SULT2B1: variants seen among roughly 807,000 people sequenced by gnomAD.
SULT2B1 encodes the protein sulfotransferase family 2B member 1.
A neutral mutation model predicts 33.2 loss-of-function variants in SULT2B1; 16 were observed. The ratio of observed to expected loss-of-function variants is 0.48; its 90% CI spans 0.33 to 0.73. The LOEUF is 0.73. SULT2B1 is among the 30% of genes least tolerant of loss of function. The probability of loss-of-function intolerance (pLI) is 0.02; values close to 1 mark genes in which losing one functional copy is unlikely to be tolerated. For synonymous variants in SULT2B1, 186 were observed against 200.5 expected (o/e 0.93, Z 0.61); for missense variants, 500 against 506.0 (o/e 0.99, Z 0.11).
In SULT2B1 at chr19:48,599,272, GAGCCCAGCCCTGAGCCTGAGCCCA is replaced by G. The variant is rs1320975009; in HGVS notation, c.974_997del (p.Pro325_Ser332del). 1.2e-5 allele frequency: 19 copies of G among 1,610,904 alleles called. No individual in the cohort carries two copies. Among genetic ancestry groups the G allele is most frequent in the South Asian group, 6.6e-5 (6 of 90,552 alleles). On this transcript the variant is annotated inframe_deletion, in exon 7 of 7. Transcript: ENST00000201586. This position sits in a 1 kb window ranked among gnomAD's most constrained non-coding sequence, Gnocchi z 4.1. ...GGAGGAGGACGGCAGCCCAGATCCT[GAGCCCAGCCCTGAGCCTGAGCCCA>G]AGCCCAGCCTTGAGCCCAACACCAG...
chr19:48,558,827 G>C (rs964689199), intron 1 of SULT2B1, among the ~76,000 whole-genome samples: 2 of 151,824 alleles, frequency 1.3e-5, no homozygotes, highest in Non-Finnish European at 2.9e-5. Context: ...TGGGACTACA[G>C]GCGTGCGCCA....
intron 1 of SULT2B1, among the ~76,000 whole-genome samples, chr19:48,556,935 A>G (rs7409348): frequency 0.38 from 58,051 of 150,894 alleles, 12,926 homozygotes; most frequent in African/African-American, 0.62. Context: ...GGGCAACAGA[A>G]CAAGACTCTG....
intron 3 of SULT2B1, among the ~76,000 whole-genome samples, chr19:48,588,701 G>A (rs1973601327): frequency 6.6e-6 from 1 of 152,038 alleles, no homozygotes; most frequent in East Asian, 1.9e-4. Flanking sequence ...GTTAGAGGTG[G>A]GTGTGGGGCT....
chr19:48,566,148 A>T (rs549185463), intron 1 of SULT2B1, among the ~76,000 whole-genome samples: 122 of 151,546 alleles, frequency 8.1e-4, no homozygotes, highest in Middle Eastern at 3.4e-3. Flanking sequence ...CTGGTGTCGA[A>T]CTCCTGACCT....
rs1973670859 is a variant in SULT2B1, at chr19:48,593,526, TG to T, written c.645+713del. Among the ~76,000 whole-genome samples, 3 of 152,034 alleles carry T rather than the reference TG, an allele frequency of 2.0e-5. No homozygotes were observed. In the South Asian group the frequency reaches 6.2e-4, roughly 32 times the overall value. ...GAGATCACACCACTGCACTCCAGCC[TG>T]GGCGACAGAGCAAGACCTTGTTCCA... is the stretch of plus-strand genomic sequence containing the variant. On this transcript the variant is annotated intron_variant, in intron 5 of 6. Transcript: ENST00000201586.
intron 1 of SULT2B1, 117 bp from the exon 2 acceptor site, chr19:48,575,824 G>A (rs1973397346): frequency 2.0e-6 from 3 of 1,509,118 alleles, no homozygotes; most frequent in Non-Finnish European, 1.8e-6. Context: ...CTTTACAGAA[G>A]AGGGACTGAG....
chr19:48,567,747 G>C (rs1973264570), intron 1 of SULT2B1, among the ~76,000 whole-genome samples: 1 of 151,244 alleles, frequency 6.6e-6, no homozygotes, highest in South Asian at 2.1e-4. Flanking sequence ...AAGTGGGAGG[G>C]TCGCTTGAGC....
chr19:48,568,285 CAAAA>C (rs1325928170), intron 1 of SULT2B1, among the ~76,000 whole-genome samples: 3 of 82,532 alleles, frequency 3.6e-5, no homozygotes, highest in East Asian at 4.2e-4. Flanking sequence ...GACTCCATCT[CAAAA>C]AAAAAAAAAA....
intron 1 of SULT2B1, among the ~76,000 whole-genome samples, chr19:48,567,678 G>C (rs1438816798): frequency 6.6e-6 from 1 of 151,888 alleles, no homozygotes; most frequent in Non-Finnish European, 1.5e-5. Context: ...CAGATTTAAA[G>C]AAGGCAACAG....
chr19:48,571,520 T>C (rs1249175524), intron 1 of SULT2B1, among the ~76,000 whole-genome samples: 1 of 151,978 alleles, frequency 6.6e-6, no homozygotes, highest in Admixed American at 6.6e-5. Context: ...CTTGAATTCC[T>C]GGCTTCAAGC....
chr19:48,557,528 A>G (rs1973114960), intron 1 of SULT2B1, among the ~76,000 whole-genome samples: 2 of 151,268 alleles, frequency 1.3e-5, no homozygotes, highest in African/African-American at 4.9e-5. Context: ...GACAAGATTG[A>G]AACTCCATCT....
intron 2 of SULT2B1, among the ~76,000 whole-genome samples, chr19:48,579,940 T>C (rs1295750277): frequency 6.6e-6 from 1 of 151,900 alleles, no homozygotes; most frequent in Non-Finnish European, 1.5e-5. Flanking sequence ...TTTTTATTTT[T>C]TGAGGCAGGG....
At chr19:48,565,078 T>A (rs1973227844) in intron 1 of SULT2B1, among the ~76,000 whole-genome samples, 1 of 151,908 alleles carries the variant, frequency 6.6e-6, no homozygotes, top group African/African-American at 2.4e-5. Context: ...AATAAGCCAC[T>A]GAGCCCAGCC....
At chr19:48,596,671 T>C in intron 5 of SULT2B1, 68 bp from the exon 6 acceptor site, 1 of 1,469,310 alleles carries the variant, frequency 6.8e-7, no homozygotes, top group Non-Finnish European at 9.0e-7. Flanking sequence ...GACATGCGGA[T>C]CCCAGGTTCC....
chr19:48,595,440 C>A (rs943521851), intron 5 of SULT2B1, among the ~76,000 whole-genome samples: 4 of 152,026 alleles, frequency 2.6e-5, no homozygotes, highest in Non-Finnish European at 5.9e-5. Context: ...ATGGTGGGAT[C>A]GGCACAAATG....
chr19:48,595,080 C>T (rs571727027), intron 5 of SULT2B1, among the ~76,000 whole-genome samples: 5 of 151,664 alleles, frequency 3.3e-5, no homozygotes, highest in Admixed American at 1.3e-4. Context: ...GGTGGGAGTT[C>T]GAGACTACCC....
rs191581926 is a variant in SULT2B1 at position 48,578,803 on chromosome 19, G to A, written c.214+2720G>A. Among the ~76,000 whole-genome samples, 12 of 152,190 alleles carry A rather than the reference G, an allele frequency of 7.9e-5. No individual in the cohort carries two copies. The East Asian group carries it at 1.2e-3, about 15-fold the overall frequency. On this transcript the variant is annotated intron_variant, in intron 2 of 6. Coordinates refer to ENST00000201586, the MANE Select transcript of SULT2B1 (RefSeq NM_177973.2). ...AGGCAGGAGAATTGCTTGGAACCGGGGGGTAGAGGTTGCAGTGAGCCAAGA... is the reference window on the plus strand; with the variant it reads ...AGGCAGGAGAATTGCTTGGAACCGGAGGGTAGAGGTTGCAGTGAGCCAAGA...
chr19:48,589,133 G>A (rs888335856), intron 3 of SULT2B1, among the ~76,000 whole-genome samples: 1 of 152,256 alleles, frequency 6.6e-6, no homozygotes, highest in Non-Finnish European at 1.5e-5. Flanking sequence ...GGCGGCGCTG[G>A]CCGGGGTCCA....
Position 48,587,360 on chromosome 19 carries a change from C to T in SULT2B1, c.346C>T (p.Gln116Ter), listed in dbSNP as rs780820646. The change falls in exon 3 of 7, where the codon CAG becomes TAG. Residue 116 changes from glutamine to a stop codon, truncating the protein, a stop_gained. Coordinates refer to ENST00000201586, the MANE Select transcript of SULT2B1 (RefSeq NM_177973.2). LOFTEE classifies it high-confidence loss of function. ...TGTGGGTGCCTTCAGCCTCCCGGACCAGTACAGCCCCCGCCTCATGAGCTC... is the reference window on the plus strand; with the variant it reads ...TGTGGGTGCCTTCAGCCTCCCGGACTAGTACAGCCCCCGCCTCATGAGCTC... Reference protein sequence around the residue: ...TIVGAFSLPDQYSPRLMSSHL... With the variant: ...TIVGAFSLPD 1.9e-6 allele frequency: 3 copies of T among 1,613,976 alleles called. No individual in the cohort carries two copies. The highest frequency in any genetic ancestry group is 2.7e-5 in the African/African-American group (2 of 74,914).
Sources: allele counts gnomAD v4.1 joint callset (sites outside exome capture counted in the v4.1 genomes callset), GRCh38; gene constraint gnomAD v4.1.1; non-coding constraint Gnocchi (gnomAD v3.1); transcripts MANE v1.5; gene names NCBI Gene and HGNC (gene_info 2026-07-23, HGNC 2026-07-21).